WNT4: variants seen among roughly 807,000 people sequenced by gnomAD.
The protein encoded by WNT4 is Wnt family member 4.
A neutral mutation model predicts 34.5 loss-of-function variants in WNT4; 16 were observed. The ratio of observed to expected loss-of-function variants is 0.46; its 90% CI spans 0.31 to 0.70. WNT4 has a LOEUF of 0.70. WNT4 is among the 30% of genes least tolerant of loss of function. The probability of loss-of-function intolerance (pLI) is 0.04; values close to 1 mark genes in which losing one functional copy is unlikely to be tolerated. For missense variants in WNT4, 379 were observed against 495.9 expected (o/e 0.76, Z 2.24); for synonymous variants, 200 against 211.9 (o/e 0.94, Z 0.49).
At chr1:22,123,390 A>G (rs1181062777) in intron 2 of WNT4, among the ~76,000 whole-genome samples, 7 of 152,090 alleles carry the variant, frequency 4.6e-5, no homozygotes, top group African/African-American at 1.7e-4. Context: ...ACATTCATCC[A>G]CCGAGACTCC....
intron 2 of WNT4, chr1:22,127,278 C>A (rs1332655129): frequency 1.9e-6 from 1 of 522,172 alleles, no homozygotes; most frequent in Non-Finnish European, 3.9e-6. Flanking sequence ...CAGTGTCCCT[C>A]AGATGCTGAG....
At chr1:22,135,919 TG>T (rs941798791) in intron 1 of WNT4, among the ~76,000 whole-genome samples, 3 of 152,208 alleles carry the variant, frequency 2.0e-5, no homozygotes, top group African/African-American at 7.2e-5. Flanking sequence ...TCCTGTCTCC[TG>T]GGACCCCTCG....
intron 1 of WNT4, among the ~76,000 whole-genome samples, chr1:22,131,090 C>T (rs2124121146): frequency 6.6e-6 from 1 of 152,250 alleles, no homozygotes; most frequent in East Asian, 1.9e-4. Context: ...CTGGCATTTG[C>T]CTGGCTTCAC....
rs530182287 is a variant in WNT4 at position 22,140,173 on chromosome 1, C to T, written c.77+2673G>A. The T allele has an allele frequency of 1.0e-5, 10 of 985,402 alleles. No individual in the cohort carries two copies. In the South Asian group the frequency reaches 2.8e-4, roughly 28 times the overall value. 61.0% of individuals were successfully genotyped at this position (985,402 alleles called of 1,614,324 possible). ...TGGCAGGTGCTGTCAGCTATCCTCT[C>T]GGGGCCAGGCCTCCTCATACCTCAC... On this transcript the variant is annotated intron_variant, in intron 1 of 4. Coordinates refer to ENST00000290167, the MANE Select transcript of WNT4 (RefSeq NM_030761.5). The surrounding 1 kb of genome is among the most constrained non-coding windows in gnomAD (Gnocchi z 5.9).
chr1:22,120,398 C>T lies in WNT4; in HGVS notation c.708G>A (p.Glu236=), dbSNP rs781577344. ...CCACCTCAGTGGCACCATCAAACTTCTCCTTCAGTGCGTGACCCACCTGGC... is the reference window on the plus strand; with the variant it reads ...CCACCTCAGTGGCACCATCAAACTTTTCCTTCAGTGCGTGACCCACCTGGC... ...PFRQVGHALK[E]KFDGATEVEP... Residue 236 remains glutamate (E), a synonymous_variant, in exon 5 of 5, where the codon GAG becomes GAA. Coordinates refer to ENST00000290167, the MANE Select transcript of WNT4 (RefSeq NM_030761.5). The T allele has an allele frequency of 6.2e-7, 1 of 1,614,154 alleles. No homozygotes were observed. The highest frequency in any genetic ancestry group is 8.5e-7 in the Non-Finnish European group (1 of 1,180,036).
At chr1:22,131,067 G>A (rs1430237662) in intron 1 of WNT4, among the ~76,000 whole-genome samples, 3 of 152,254 alleles carry the variant, frequency 2.0e-5, no homozygotes, top group Non-Finnish European at 4.4e-5. Context: ...GTGAGGTTGA[G>A]CAGGACTTGA....
At chr1:22,125,660 CA>C (rs1191807940) in intron 2 of WNT4, among the ~76,000 whole-genome samples, 1 of 152,180 alleles carries the variant, frequency 6.6e-6, no homozygotes, top group East Asian at 1.9e-4. Flanking sequence ...CAGAATTCAT[CA>C]AGTCCTTCAT....
Position 22,137,092 on chromosome 1 carries a change from C to G in WNT4, c.77+5754G>C, listed in dbSNP as rs1646027868. On this transcript the variant is annotated intron_variant, in intron 1 of 4. Transcript: ENST00000290167. This position sits in a 1 kb window ranked among gnomAD's most constrained non-coding sequence, Gnocchi z 5.3. Reference sequence around the variant, plus strand: ...TCTCCAAAGATACATGTGAGCTGTCCGAGGCTCCTCTCCCCTGGAGGACGC... The same window carrying G: ...TCTCCAAAGATACATGTGAGCTGTCGGAGGCTCCTCTCCCCTGGAGGACGC... Among the ~76,000 whole-genome samples the G allele has an allele frequency of 6.6e-6, 1 of 152,150 alleles. No individual in the cohort carries two copies. The highest frequency in any genetic ancestry group is 2.1e-4 in the South Asian group (1 of 4,824).
At chr1:22,138,791 G>T (rs953167274) in intron 1 of WNT4, among the ~76,000 whole-genome samples, 12 of 152,182 alleles carry the variant, frequency 7.9e-5, no homozygotes, top group Non-Finnish European at 1.5e-4. Context: ...TGGGCTGGCC[G>T]TGCCCCATCC....
intron 1 of WNT4, among the ~76,000 whole-genome samples, chr1:22,130,767 C>G (rs529301610): frequency 1.3e-5 from 2 of 152,008 alleles, no homozygotes; most frequent in Non-Finnish European, 2.9e-5. Context: ...GACACTGGCC[C>G]GAGGCAATGA....
At position 22,133,130 on chromosome 1, in the gene WNT4, T is replaced by C. The variant is rs78837422; in HGVS notation, c.78-3279A>G. Among the ~76,000 whole-genome samples the C allele has an allele frequency of 7.6e-4, 115 of 152,262 alleles. 1 individual carries two copies. The highest frequency in any genetic ancestry group is 6.8e-3 in the Middle Eastern group (2 of 294). ...CCCTAACTCTCAACTCTCTTTCCTC[T>C]GTACCTGGCTGTGGATATGCCCCAT... is the stretch of plus-strand genomic sequence containing the variant. On this transcript the variant is annotated intron_variant, in intron 1 of 4. Transcript: ENST00000290167.
chr1:22,128,625 C>T (rs1645957943), intron 2 of WNT4, among the ~76,000 whole-genome samples: 1 of 152,224 alleles, frequency 6.6e-6, no homozygotes, highest in Non-Finnish European at 1.5e-5. Context: ...TCCCCTGGCC[C>T]ATTGATCACA....
At chr1:22,121,739 T>C (rs778704228) in intron 2 of WNT4, among the ~76,000 whole-genome samples, 163 bp from the exon 3 acceptor site, 10 of 152,198 alleles carry the variant, frequency 6.6e-5, no homozygotes, top group Non-Finnish European at 1.5e-4. Flanking sequence ...CTTGTTCTTA[T>C]CACACCAATA....
chr1:22,130,513 C>G (rs1645974953), intron 1 of WNT4, among the ~76,000 whole-genome samples: 1 of 152,236 alleles, frequency 6.6e-6, no homozygotes, highest in Non-Finnish European at 1.5e-5. Context: ...TCTCCCTCCC[C>G]CAGGGGCTTG....
chr1:22,137,732 C>T lies in WNT4; in HGVS notation c.77+5114G>A, dbSNP rs1173237256. ...GCAACCCCCTCGGGCAGAGCCTGGTCCTGGGGTGCTGCAGTGCTGGGGGAG... is the reference window on the plus strand; with the variant it reads ...GCAACCCCCTCGGGCAGAGCCTGGTTCTGGGGTGCTGCAGTGCTGGGGGAG... On this transcript the variant is annotated intron_variant, in intron 1 of 4. Coordinates refer to ENST00000290167, the MANE Select transcript of WNT4 (RefSeq NM_030761.5). The surrounding 1 kb of genome is among the most constrained non-coding windows in gnomAD (Gnocchi z 5.3). 1.3e-5 allele frequency among the ~76,000 whole-genome samples: 2 copies of T among 152,180 alleles called. No individual in the cohort carries two copies. The highest frequency in any genetic ancestry group is 2.9e-5 in the Non-Finnish European group (2 of 68,028).
In WNT4 at chr1:22,118,301, CAG is replaced by C. The variant is rs1645864359; in HGVS notation, c.*1747_*1748del. 1 of 152,180 alleles carries C rather than the reference CAG, an allele frequency of 6.6e-6. No individual in the cohort carries two copies. Among genetic ancestry groups the C allele is most frequent in the African/African-American group, 2.4e-5 (1 of 41,436 alleles). 9.4% of individuals were successfully genotyped at this position (152,180 alleles called of 1,614,324 possible). A position where few individuals can be genotyped will look rare whatever the true frequency, so the allele number is the denominator to read the frequency against. On this transcript the variant is annotated 3_prime_UTR_variant, in exon 5 of 5. Coordinates refer to ENST00000290167, the MANE Select transcript of WNT4 (RefSeq NM_030761.5). ...TCTGGGAACCCCAAGTGGGGGATCA[CAG>C]AGCATAAAATCTCCGACCTGAAACT...
rs1447899097 is a variant in WNT4 at position 22,118,143 on chromosome 1, C to CT, written c.*1906dup. On this transcript the variant is annotated 3_prime_UTR_variant, in exon 5 of 5. Coordinates refer to ENST00000290167, the MANE Select transcript of WNT4 (RefSeq NM_030761.5). ...GCTGGGGGCCAAGGGTGTTGACCCT[C>CT]TTTTCATGAGGGAGCCAACACTAGG... The CT allele has an allele frequency of 6.6e-6, 1 of 152,242 alleles. No homozygotes were observed. The highest frequency in any genetic ancestry group is 1.5e-5 in the Non-Finnish European group (1 of 68,060). 9.4% of individuals were successfully genotyped at this position (152,242 alleles called of 1,614,324 possible). A position where few individuals can be genotyped will look rare whatever the true frequency, so the allele number is the denominator to read the frequency against.
Position 22,119,868 on chromosome 1 carries a change from C to T in WNT4, c.*182G>A. 4 of 727,988 alleles carry T rather than the reference C, an allele frequency of 5.5e-6. No individual in the cohort carries two copies. The highest frequency in any genetic ancestry group is 9.0e-6 in the Non-Finnish European group (4 of 445,900). The allele number at this position is 727,988 out of a possible 1,614,324, so 45.1% of individuals were successfully genotyped here. ...CACAAAGGCCCAGGCTTTGGGGAGG[C>T]CCTGGTTGGTGCCCTTGGGGTTGCC... On this transcript the variant is annotated 3_prime_UTR_variant, in exon 5 of 5. Coordinates refer to ENST00000290167, the MANE Select transcript of WNT4 (RefSeq NM_030761.5).
At position 22,134,331 on chromosome 1, in the gene WNT4, G is replaced by A. The variant is rs888266055; in HGVS notation, c.78-4480C>T. ...TTGGGGGATGCGGGCCAGTGGGGGC[G>A]AAAGTGACCACAGTCCCCATCTAGG... On this transcript the variant is annotated intron_variant, in intron 1 of 4. Coordinates refer to ENST00000290167, the MANE Select transcript of WNT4 (RefSeq NM_030761.5). This position sits in a 1 kb window ranked among gnomAD's most constrained non-coding sequence, Gnocchi z 4.1. Among the ~76,000 whole-genome samples the A allele has an allele frequency of 2.6e-5, 4 of 152,174 alleles. No homozygotes were observed. The highest frequency in any genetic ancestry group is 9.7e-5 in the African/African-American group (4 of 41,438).
Sources: gnomAD v4.1 joint callset for allele counts (sites outside exome capture counted in the v4.1 genomes callset) on GRCh38, gnomAD v4.1.1 for gene constraint, Gnocchi (gnomAD v3.1) non-coding constraint, MANE v1.5 for transcripts, NCBI Gene and HGNC (gene_info 2026-07-23, HGNC 2026-07-21) for gene names.